The following ACTR3C variants were observed in gnomAD, a reference collection of about 807,000 sequenced individuals.
ACTR3C encodes actin-related protein 3C.
A neutral mutation model predicts 26.3 loss-of-function variants in ACTR3C; 18 were observed. The ratio of observed to expected loss-of-function variants is 0.68; its 90% CI spans 0.47 to 1.01. The LOEUF (loss-of-function observed/expected upper bound fraction) is 1.01. Ranked by LOEUF, ACTR3C falls within the 50% of genes least tolerant of loss-of-function variation. The pLI, the probability that ACTR3C is intolerant of heterozygous loss-of-function variation, is 0.00. For synonymous variants in ACTR3C, 55 were observed against 94.5 expected (o/e 0.58, Z 2.42); for missense variants, 184 against 250.7 (o/e 0.73, Z 1.80).
At chr7:150,039,550 AG>A in the ACTR3C span, among the ~76,000 whole-genome samples, 52 of 75,394 alleles carry the variant, frequency 6.9e-4, 2 homozygotes, top group African/African-American at 1.8e-3. Flanking sequence ...CCCCAGAGCC[AG>A]GGGGGGAAGA....
the ACTR3C span, among the ~76,000 whole-genome samples, chr7:150,164,866 A>G: frequency 6.6e-6 from 1 of 152,218 alleles, no homozygotes; most frequent in South Asian, 2.1e-4. Context: ...ATAAAGCTCC[A>G]GGTGACTCGT....
At chr7:150,136,051 C>T in the ACTR3C span, among the ~76,000 whole-genome samples, 1 of 151,972 alleles carries the variant, frequency 6.6e-6, no homozygotes, top group African/African-American at 2.4e-5. Context: ...AAGCAGCCTA[C>T]TGTTCCTGGA....
the ACTR3C span, among the ~76,000 whole-genome samples, chr7:150,217,067 C>T: frequency 0.031 from 4,175 of 133,938 alleles, 183 homozygotes; most frequent in African/African-American, 0.11. Context: ...AAAGTGAAGT[C>T]GCCTTGTCCT....
At chr7:150,224,561 G>C in the ACTR3C span, among the ~76,000 whole-genome samples, 8 of 152,332 alleles carry the variant, frequency 5.3e-5, no homozygotes, top group Admixed American at 3.9e-4. Flanking sequence ...TCCATAAAAA[G>C]AGAACTGGAG....
chr7:149,996,029 G>A, the ACTR3C span, among the ~76,000 whole-genome samples: 1 of 151,976 alleles, frequency 6.6e-6, no homozygotes, highest in Non-Finnish European at 1.5e-5. Context: ...AGTCTGTGTG[G>A]GAAATCTCCT....
chr7:150,318,021 A>ATCCCTCTC (rs1402786850), intron 1 of ACTR3C, among the ~76,000 whole-genome samples: 5 of 152,206 alleles, frequency 3.3e-5, no homozygotes, highest in Non-Finnish European at 7.3e-5. Context: ...GGTTGCAAGA[A>ATCCCTCTC]AATGGGGATT....
the ACTR3C span, among the ~76,000 whole-genome samples, chr7:150,043,905 T>C: frequency 6.6e-6 from 1 of 152,226 alleles, no homozygotes; most frequent in Non-Finnish European, 1.5e-5. Flanking sequence ...GTTGACATTA[T>C]ACCAATGGAA....
At chr7:150,196,917 G>C in the ACTR3C span, among the ~76,000 whole-genome samples, 3 of 152,152 alleles carry the variant, frequency 2.0e-5, no homozygotes, top group African/African-American at 7.2e-5. Flanking sequence ...TTTGAGGAGT[G>C]CCCCTTCTCT....
chr7:150,014,732 C>T, the ACTR3C span, among the ~76,000 whole-genome samples: 5 of 152,270 alleles, frequency 3.3e-5, no homozygotes, highest in East Asian at 7.7e-4. Context: ...TTAGTGGGCC[C>T]CTTCTGTGAG....
chr7:150,148,787 C>A, the ACTR3C span, among the ~76,000 whole-genome samples: 2 of 152,148 alleles, frequency 1.3e-5, no homozygotes, highest in Admixed American at 1.3e-4. Flanking sequence ...TATTATCCAT[C>A]CTTCCACTAA....
chr7:150,091,942 C>A, the ACTR3C span, among the ~76,000 whole-genome samples: 1 of 122,722 alleles, frequency 8.1e-6, no homozygotes, highest in Non-Finnish European at 1.6e-5. Context: ...GAGCCGAGAT[C>A]GCGCCACTGC....
the ACTR3C span, among the ~76,000 whole-genome samples, chr7:149,910,349 G>A: frequency 3.3e-5 from 5 of 152,178 alleles, no homozygotes; most frequent in South Asian, 8.3e-4. Context: ...ATTTCAGAAG[G>A]AGCCCATTTT....
At chr7:150,228,200 C>G in the ACTR3C span, among the ~76,000 whole-genome samples, 1 of 152,150 alleles carries the variant, frequency 6.6e-6, no homozygotes, top group Admixed American at 6.5e-5. Flanking sequence ...TTATAGTTTT[C>G]TGCACATAGT....
chr7:150,169,403 A>AAAAAG, the ACTR3C span, among the ~76,000 whole-genome samples: 1 of 145,246 alleles, frequency 6.9e-6, no homozygotes, highest in South Asian at 2.1e-4. Flanking sequence ...AAAAAAAAAA[A>AAAAAG]AAGAAGAAGA....
At chr7:150,187,115 A>G in the ACTR3C span, among the ~76,000 whole-genome samples, 1 of 151,728 alleles carries the variant, frequency 6.6e-6, no homozygotes, top group Non-Finnish European at 1.5e-5. Flanking sequence ...GGTTTGCAAG[A>G]CACTGTTCTC....
chr7:150,319,722 T>C (rs1797303039), intron 1 of ACTR3C, among the ~76,000 whole-genome samples: 1 of 152,216 alleles, frequency 6.6e-6, no homozygotes, highest in Non-Finnish European at 1.5e-5. Context: ...TTTAAAACAC[T>C]GTTGGGGCTA....
At chr7:150,288,219 G>A (rs1426055673) in intron 4 of ACTR3C, among the ~76,000 whole-genome samples, 5 of 145,680 alleles carry the variant, frequency 3.4e-5, no homozygotes, top group African/African-American at 5.3e-5. Flanking sequence ...GTCACATCGA[G>A]CACATCAGCC....
the ACTR3C span, among the ~76,000 whole-genome samples, chr7:150,214,629 CG>C: frequency 6.6e-6 from 1 of 151,554 alleles, no homozygotes; most frequent in Non-Finnish European, 1.5e-5. Context: ...AGAATAGGAC[CG>C]AAAAAAAGTT....
the ACTR3C span, among the ~76,000 whole-genome samples, chr7:150,100,384 T>C: frequency 6.6e-6 from 1 of 151,736 alleles, no homozygotes; most frequent in Non-Finnish European, 1.5e-5. Context: ...ACCCCATCTA[T>C]TGCTGGGCTC....
Sources: allele counts gnomAD v4.1 joint callset (sites outside exome capture counted in the v4.1 genomes callset), GRCh38; gene constraint gnomAD v4.1.1; transcripts MANE v1.5; gene names NCBI Gene and HGNC (gene_info 2026-07-23, HGNC 2026-07-21).